Variants in KPNA6 observed in about 807,000 individuals in gnomAD.
KPNA6 encodes karyopherin subunit alpha 6, also known as importin subunit alpha-7.
In KPNA6, 9 loss-of-function variants were observed where a neutral mutation model predicts 72.0. The observed-to-expected ratio is 0.13, with a 90% CI of 0.08 to 0.22. The LOEUF (loss-of-function observed/expected upper bound fraction) is 0.22, where lower values mean the gene tolerates loss of function less well. Ranked by LOEUF, KPNA6 falls within the 10% of genes least tolerant of loss-of-function variation. The pLI is 1.00. For missense variants in KPNA6, 374 were observed against 655.7 expected (o/e 0.57, Z 4.69); for synonymous variants, 219 against 242.1 (o/e 0.90, Z 0.89).
Position 32,162,467 on chromosome 1 carries a change from A to G in KPNA6, c.854A>G (p.Glu285Gly), listed in dbSNP as rs1249666840. 6.2e-7 allele frequency: 1 copy of G among 1,613,988 alleles called. No individual in the cohort carries two copies. Among genetic ancestry groups the G allele is most frequent in the East Asian group, 2.2e-5 (1 of 44,884 alleles). Residue 285 changes from glutamate to glycine, a missense_variant, in exon 9 of 14, where the codon GAG (glutamate) becomes GGG (glycine). Physicochemically the swap from Glu to Gly is moderately conservative, Grantham distance 98. Transcript: ENST00000373625. Reference sequence around the variant, plus strand: ...TCTTATCTGTCTGATGGCCCCAATGAGAAGATCCAGGCAGTCATAGACTCC... The same window carrying G: ...TCTTATCTGTCTGATGGCCCCAATGGGAAGATCCAGGCAGTCATAGACTCC... ...ALSYLSDGPN[E>G]KIQAVIDSGV...
intron 1 of KPNA6, among the ~76,000 whole-genome samples, chr1:32,140,858 A>T (rs1277610001): frequency 4.6e-5 from 7 of 152,240 alleles, no homozygotes. Context: ...CAGTAAGAAG[A>T]CAGCAAAATT....
chr1:32,120,471 C>T (rs1483846580), intron 1 of KPNA6, among the ~76,000 whole-genome samples: 1 of 151,580 alleles, frequency 6.6e-6, no homozygotes, highest in Non-Finnish European at 1.5e-5. Context: ...TGGTCTCGAA[C>T]TCCTGACCTC....
At chr1:32,161,801 C>A in intron 7 of KPNA6, 146 bp from the exon 8 acceptor site, 1 of 642,582 alleles carries the variant, frequency 1.6e-6, no homozygotes, top group East Asian at 2.7e-5. Flanking sequence ...CTAACCTATA[C>A]CAGCTCTATT....
chr1:32,164,526 C>T (rs1642296248), intron 10 of KPNA6, among the ~76,000 whole-genome samples: 1 of 151,854 alleles, frequency 6.6e-6, no homozygotes, highest in African/African-American at 2.4e-5. Context: ...TCCCCACAGC[C>T]TTGCCAACAG....
At chr1:32,132,796 C>T (rs1160582188) in intron 1 of KPNA6, among the ~76,000 whole-genome samples, 2 of 152,102 alleles carry the variant, frequency 1.3e-5, no homozygotes, top group South Asian at 2.1e-4. Flanking sequence ...CCAGCTACTC[C>T]GGAGGCTGGG....
At chr1:32,164,443 G>C (rs888046889) in intron 10 of KPNA6, among the ~76,000 whole-genome samples, 2 of 152,090 alleles carry the variant, frequency 1.3e-5, no homozygotes, top group Non-Finnish European at 2.9e-5. Flanking sequence ...ATTTTTTTGA[G>C]GGGACACCAT....
At chr1:32,164,355 T>C (rs1642293214) in intron 10 of KPNA6, among the ~76,000 whole-genome samples, 1 of 152,194 alleles carries the variant, frequency 6.6e-6, no homozygotes, top group African/African-American at 2.4e-5. Flanking sequence ...CTATGAACAT[T>C]GGTGTACAAA....
rs1642460158 is a variant in KPNA6, at chr1:32,172,739, GCA to G, written c.*1848_*1849del. 1 of 205,748 alleles carries G rather than the reference GCA, an allele frequency of 4.9e-6. No homozygotes were observed. The highest frequency in any genetic ancestry group is 1.9e-4 in the South Asian group (1 of 5,272). The allele number at this position is 205,748 out of a possible 1,614,324, so 12.7% of individuals were successfully genotyped here. Reference sequence around the variant, plus strand: ...GTGTAGACCAGCTGTGGAGCTGAAGGCACAGTCTGCCCCACCCCCACCTCCCC... The same window carrying G: ...GTGTAGACCAGCTGTGGAGCTGAAGGCAGTCTGCCCCACCCCCACCTCCCC... On this transcript the variant is annotated 3_prime_UTR_variant, in exon 14 of 14. Coordinates refer to ENST00000373625, the MANE Select transcript of KPNA6 (RefSeq NM_012316.5).
rs372831579 is a variant in KPNA6, at chr1:32,167,249, C to G, written c.1197C>G (p.Ala399=). 2 of 1,614,006 alleles carry G rather than the reference C, an allele frequency of 1.2e-6. No homozygotes were observed. Among genetic ancestry groups the G allele is most frequent in the African/African-American group, 1.3e-5 (1 of 74,924 alleles). Reference sequence around the variant, plus strand: ...AGTTTCGTACAAGGAAAGAGGCAGCCTGGGCCATCACCAATGCCACATCAG... The same window carrying G: ...AGTTTCGTACAAGGAAAGAGGCAGCGTGGGCCATCACCAATGCCACATCAG... ...KAEFRTRKEA[A]WAITNATSGG... is the part of the protein sequence containing the mutation. The change falls in exon 12 of 14, where the codon GCC becomes GCG. Residue 399 remains alanine (A), a synonymous_variant. Transcript: ENST00000373625.
At chr1:32,150,012 G>A (rs1470300057) in intron 1 of KPNA6, among the ~76,000 whole-genome samples, 3 of 151,450 alleles carry the variant, frequency 2.0e-5, no homozygotes, top group Non-Finnish European at 4.4e-5. Context: ...TTTATCTATC[G>A]CTGCTTTTCA....
intron 1 of KPNA6, among the ~76,000 whole-genome samples, chr1:32,128,426 T>TATATATATATATATATAC (rs1491304508): frequency 2.0e-5 from 2 of 99,172 alleles, no homozygotes; most frequent in Admixed American, 1.1e-4. Flanking sequence ...TATATATATA[T>TATATATATATATATATAC]ACACACACAC....
Position 32,172,658 on chromosome 1 carries a change from G to A in KPNA6, c.*1764G>A, listed in dbSNP as rs74064050. 0.024 allele frequency: 3,758 copies of A among 158,024 alleles called. 164 individuals carry two copies. The highest frequency in any genetic ancestry group is 0.084 in the African/African-American group (3,511 of 41,704). The allele number at this position is 158,024 out of a possible 1,614,324, so 9.8% of individuals were successfully genotyped here. Reference sequence around the variant, plus strand: ...CCTTAGTGGCTTGCCTGTGCCTCTGGGTGGATTACATATGATAGTAAAGCC... The same window carrying A: ...CCTTAGTGGCTTGCCTGTGCCTCTGAGTGGATTACATATGATAGTAAAGCC... On this transcript the variant is annotated 3_prime_UTR_variant, in exon 14 of 14. Coordinates refer to ENST00000373625, the MANE Select transcript of KPNA6 (RefSeq NM_012316.5).
Position 32,162,543 on chromosome 1 carries a change from G to C in KPNA6, c.911+19G>C, listed in dbSNP as rs1250041687. On this transcript the variant is annotated intron_variant, in intron 9 of 13. Transcript: ENST00000373625. ...TGCTGATGTGAGTGGTCTTAGAAGG[G>C]GTACAGGTTCTGGCTGGGCACGGTG... 1 of 1,613,082 alleles carries C rather than the reference G, an allele frequency of 6.2e-7. No individual in the cohort carries two copies. The highest frequency in any genetic ancestry group is 1.1e-5 in the South Asian group (1 of 91,020).
At position 32,166,102 on chromosome 1, in the gene KPNA6, T is replaced by C; in HGVS notation, c.991-3T>C. The C allele has an allele frequency of 9.3e-6, 15 of 1,605,310 alleles. No individual in the cohort carries two copies. Among genetic ancestry groups the C allele is most frequent in the Non-Finnish European group, 1.3e-5 (15 of 1,177,670 alleles). Reference sequence around the variant, plus strand: ...TTTGTTTCCTGTGCTTTTGGTGTTCTAGGTCATTCTTAACTGTTCAGCCCT... The same window carrying C: ...TTTGTTTCCTGTGCTTTTGGTGTTCCAGGTCATTCTTAACTGTTCAGCCCT... On this transcript the variant is annotated splice_polypyrimidine_tract_variant and splice_region_variant and intron_variant, in intron 10 of 13. Coordinates refer to ENST00000373625, the MANE Select transcript of KPNA6 (RefSeq NM_012316.5).
chr1:32,130,500 C>T (rs1374523397), intron 1 of KPNA6, among the ~76,000 whole-genome samples: 3 of 152,026 alleles, frequency 2.0e-5, no homozygotes, highest in Admixed American at 6.6e-5. Flanking sequence ...TTGAAGGCAT[C>T]TCAGGCCAGA....
chr1:32,154,014 G>A (rs1642087399), intron 1 of KPNA6, among the ~76,000 whole-genome samples: 1 of 152,042 alleles, frequency 6.6e-6, no homozygotes, highest in African/African-American at 2.4e-5. Flanking sequence ...AGTTGTGGTG[G>A]TGTGCGCCTG....
At chr1:32,127,283 G>A (rs1229545208) in intron 1 of KPNA6, among the ~76,000 whole-genome samples, 1 of 152,186 alleles carries the variant, frequency 6.6e-6, no homozygotes, top group Non-Finnish European at 1.5e-5. Context: ...CAAGTTGATG[G>A]AGTTTGAGGG....
At chr1:32,135,911 C>T (rs1158169783) in intron 1 of KPNA6, among the ~76,000 whole-genome samples, 2 of 151,916 alleles carry the variant, frequency 1.3e-5, no homozygotes, top group Non-Finnish European at 2.9e-5. Flanking sequence ...AATTACATCT[C>T]AATAAACCTA....
chr1:32,154,753 A>C (rs377421750), intron 2 of KPNA6, 32 bp downstream of exon 2: 1 of 1,611,586 alleles, frequency 6.2e-7, no homozygotes, highest in Non-Finnish European at 8.5e-7. Flanking sequence ...CAAACATACT[A>C]TTCTGGGAAA....
Sources: gnomAD v4.1 joint callset for allele counts (sites outside exome capture counted in the v4.1 genomes callset) on GRCh38, gnomAD v4.1.1 for gene constraint, MANE v1.5 for transcripts, NCBI Gene and HGNC (gene_info 2026-07-23, HGNC 2026-07-21) for gene names.